Variants in KIAA1328 observed in about 807,000 individuals in gnomAD.
KIAA1328 encodes the protein KIAA1328.
Under a neutral mutation model 68.1 loss-of-function variants are expected in KIAA1328, and 52 were observed. That is an observed-to-expected ratio of 0.76 (90% CI 0.61 to 0.96). The LOEUF (loss-of-function observed/expected upper bound fraction) is 0.96. Among genes scored for constraint, KIAA1328 ranks in the 40% least tolerant of loss-of-function variants. KIAA1328 has a pLI of 0.00. For missense variants in KIAA1328, 641 were observed against 677.6 expected, an observed-to-expected ratio of 0.95 and a Z score of 0.60; for synonymous variants, 232 against 239.4, an observed-to-expected ratio of 0.97 and a Z score of 0.28.
chr18:36,851,678 A>C (rs1054430037), intron 4 of KIAA1328, among the ~76,000 whole-genome samples: 1 of 151,634 alleles, frequency 6.6e-6, no homozygotes, highest in African/African-American at 2.4e-5. Flanking sequence ...AATTTTATTT[A>C]CATTATCTCT....
At chr18:37,183,727 T>C (rs2059741572) in intron 9 of KIAA1328, among the ~76,000 whole-genome samples, 1 of 152,240 alleles carries the variant, frequency 6.6e-6, no homozygotes, top group African/African-American at 2.4e-5. Flanking sequence ...CTAAGACATA[T>C]TGTTGGTGTC....
chr18:37,062,534 C>A (rs551542617), intron 6 of KIAA1328, among the ~76,000 whole-genome samples: 17 of 151,736 alleles, frequency 1.1e-4, no homozygotes, highest in African/African-American at 3.9e-4. Context: ...TGTTTCACTG[C>A]AAGCTCCGCC....
intron 6 of KIAA1328, among the ~76,000 whole-genome samples, chr18:37,056,525 A>G (rs1303811839): frequency 6.6e-6 from 1 of 152,156 alleles, no homozygotes; most frequent in Non-Finnish European, 1.5e-5. Flanking sequence ...TAAACCAAAG[A>G]TACCTTCATT....
At chr18:37,150,469 A>G (rs1020513184) in intron 7 of KIAA1328, among the ~76,000 whole-genome samples, 1 of 152,078 alleles carries the variant, frequency 6.6e-6, no homozygotes, top group Non-Finnish European at 1.5e-5. Flanking sequence ...AGAAGGAACT[A>G]TTCTCAACTT....
intron 7 of KIAA1328, among the ~76,000 whole-genome samples, chr18:37,130,289 T>C (rs1472645862): frequency 6.6e-6 from 1 of 152,170 alleles, no homozygotes; most frequent in Non-Finnish European, 1.5e-5. Context: ...TATACATATA[T>C]TACTTACTTT....
chr18:37,077,753 T>C (rs1309149581), intron 7 of KIAA1328, among the ~76,000 whole-genome samples: 1 of 144,250 alleles, frequency 6.9e-6, no homozygotes, highest in Non-Finnish European at 1.5e-5. Context: ...ATAAAATACC[T>C]AGGAATCCAA....
chr18:37,084,779 G>T (rs2151812340), intron 7 of KIAA1328, among the ~76,000 whole-genome samples: 1 of 152,272 alleles, frequency 6.6e-6, no homozygotes, highest in African/African-American at 2.4e-5. Flanking sequence ...ATTCCTGTAA[G>T]TGGAATTACT....
chr18:36,834,860 C>T (rs993175326), intron 2 of KIAA1328, among the ~76,000 whole-genome samples: 1 of 152,068 alleles, frequency 6.6e-6, no homozygotes, highest in African/African-American at 2.4e-5. Context: ...TGAATATTTA[C>T]AGTACCCTTT....
chr18:37,188,319 C>T (rs1416480248), intron 9 of KIAA1328, among the ~76,000 whole-genome samples: 1 of 152,140 alleles, frequency 6.6e-6, no homozygotes, highest in South Asian at 2.1e-4. Flanking sequence ...GTTGATAATA[C>T]CCCACAGCCA....
intron 6 of KIAA1328, among the ~76,000 whole-genome samples, chr18:36,991,958 A>G (rs1232649634): frequency 2.6e-5 from 4 of 152,236 alleles, no homozygotes; most frequent in South Asian, 2.1e-4. Context: ...GGCCACCACC[A>G]TAACAGACTC....
intron 7 of KIAA1328, among the ~76,000 whole-genome samples, chr18:37,097,248 G>T (rs1355449188): frequency 6.6e-6 from 1 of 152,180 alleles, no homozygotes; most frequent in African/African-American, 2.4e-5. Flanking sequence ...ATTAATTTTT[G>T]TATAAGGTGT....
chr18:37,038,489 A>C (rs1469817769), intron 6 of KIAA1328, among the ~76,000 whole-genome samples: 1 of 152,120 alleles, frequency 6.6e-6, no homozygotes, highest in Admixed American at 6.5e-5. Flanking sequence ...ATTAAAATAT[A>C]GTGGATGTTT....
rs2056365769 is a variant in KIAA1328 at position 37,067,099 on chromosome 18, A to G, written c.786A>G (p.Ile262Met). The G allele has an allele frequency of 1.9e-6, 3 of 1,613,916 alleles. No homozygotes were observed. The African/African-American group carries it at 4.0e-5, about 22-fold the overall frequency. Reference protein sequence around the residue: ...LHHPKDDLDKIPSETTTCNCE... With the variant: ...LHHPKDDLDKMPSETTTCNCE... ...ATCCCAAAGATGATCTAGATAAGAT[A>G]CCATCAGAGACCACAACATGTAATT... Residue 262 changes from isoleucine to methionine, a missense_variant, in exon 7 of 10, where the codon ATA (isoleucine) becomes ATG (methionine). By Grantham distance (10) the Ile-to-Met change is conservative (BLOSUM62 1). Coordinates refer to ENST00000280020, the MANE Select transcript of KIAA1328 (RefSeq NM_020776.3).
Position 37,084,477 on chromosome 18 carries a change from T to C in KIAA1328, c.1232+16932T>C, listed in dbSNP as rs1183273048. ...TCTACTATTTCTTTTTTGTTTTTTG[T>C]TTTTTTTTTTTTTTTGGTGCGGTAT... On this transcript the variant is annotated intron_variant, in intron 7 of 9. Transcript: ENST00000280020. 15 of 102,760 alleles carry C rather than the reference T, an allele frequency of 1.5e-4. No homozygotes were observed. In the East Asian group the frequency reaches 3.7e-3, roughly 25 times the overall value. 6.4% of individuals were successfully genotyped at this position (102,760 alleles called of 1,614,324 possible).
intron 9 of KIAA1328, among the ~76,000 whole-genome samples, chr18:37,185,178 A>G (rs1009214707): frequency 1.1e-4 from 17 of 151,896 alleles, no homozygotes; most frequent in Admixed American, 5.2e-4. Flanking sequence ...AAAAAAAAAA[A>G]AGAAGTTTGG....
At chr18:37,007,009 T>C (rs916372264) in intron 6 of KIAA1328, among the ~76,000 whole-genome samples, 1 of 152,204 alleles carries the variant, frequency 6.6e-6, no homozygotes, top group Non-Finnish European at 1.5e-5. Flanking sequence ...ATTTACTTCA[T>C]TTATTTGTTA....
At chr18:36,880,222 G>A (rs1271284748) in intron 4 of KIAA1328, among the ~76,000 whole-genome samples, 1 of 152,290 alleles carries the variant, frequency 6.6e-6, no homozygotes, top group African/African-American at 2.4e-5. Context: ...ATAGTACCTG[G>A]GTCAGACAGC....
At chr18:37,045,801 ACAT>A (rs2055446002) in intron 6 of KIAA1328, among the ~76,000 whole-genome samples, 1 of 152,204 alleles carries the variant, frequency 6.6e-6, no homozygotes, top group African/African-American at 2.4e-5. Flanking sequence ...GTATTTTCTT[ACAT>A]TCCAAAGTTC....
intron 7 of KIAA1328, among the ~76,000 whole-genome samples, chr18:37,117,644 TA>T (rs909165653): frequency 5.3e-5 from 8 of 151,286 alleles, no homozygotes; most frequent in South Asian, 2.1e-4. Context: ...AAGTATTATT[TA>T]AAAAAAAATT....
Sources: gnomAD v4.1 joint callset for allele counts (sites outside exome capture counted in the v4.1 genomes callset) on GRCh38, gnomAD v4.1.1 for gene constraint, MANE v1.5 for transcripts, NCBI Gene and HGNC (gene_info 2026-07-23, HGNC 2026-07-21) for gene names.